Variants in KCNMB2 observed in about 807,000 individuals in gnomAD.
KCNMB2 encodes the protein calcium-activated potassium channel subunit beta-2.
Under a neutral mutation model 24.5 loss-of-function variants are expected in KCNMB2, and 9 were observed. That is an observed-to-expected ratio of 0.37 (90% CI 0.22 to 0.64). KCNMB2 has a LOEUF of 0.64. Ranked by LOEUF, KCNMB2 falls within the 30% of genes least tolerant of loss-of-function variation. The probability of loss-of-function intolerance (pLI) is 0.63; values close to 1 mark genes in which losing one functional copy is unlikely to be tolerated. For synonymous variants in KCNMB2, 109 were observed against 104.4 expected (o/e 1.04, Z -0.27); for missense variants, 226 against 284.3 (o/e 0.79, Z 1.47).
At position 178,772,603 on chromosome 3, in the gene KCNMB2, T is replaced by G. The variant is rs187399699; in HGVS notation, c.-67-34740T>G. 5.9e-3 allele frequency among the ~76,000 whole-genome samples: 903 copies of G among 152,344 alleles called. 10 individuals are homozygous for G. Among genetic ancestry groups the G allele is most frequent in the African/African-American group, 0.021 (873 of 41,578 alleles). On this transcript the variant is annotated intron_variant, in intron 1 of 4. Transcript: ENST00000452583. ...CAATAAATCTCTTACTTTTGTAAAT[T>G]ACCCAGTCTCAGGTATGTCTTTATC...
chr3:178,603,556 T>C (rs1718169354), intron 1 of KCNMB2, among the ~76,000 whole-genome samples: 1 of 151,852 alleles, frequency 6.6e-6, no homozygotes. Context: ...GCTCAAGAAA[T>C]GAACAGAATA....
intron 1 of KCNMB2, among the ~76,000 whole-genome samples, chr3:178,778,177 A>G (rs1174374654): frequency 6.6e-6 from 1 of 152,172 alleles, no homozygotes; most frequent in Non-Finnish European, 1.5e-5. Context: ...TTTTGACCCT[A>G]TGTATCAGTT....
chr3:178,680,531 A>G (rs1460937338), intron 1 of KCNMB2, among the ~76,000 whole-genome samples: 1 of 152,086 alleles, frequency 6.6e-6, no homozygotes, highest in Non-Finnish European at 1.5e-5. Context: ...TTTATATTAC[A>G]TTTTACTGAA....
intron 1 of KCNMB2, among the ~76,000 whole-genome samples, chr3:178,697,022 T>A (rs936854424): frequency 6.6e-6 from 1 of 152,138 alleles, no homozygotes; most frequent in African/African-American, 2.4e-5. Context: ...ATTTCACTTC[T>A]GAATGTGACC....
At chr3:178,826,117 T>G (rs1039173323) in intron 3 of KCNMB2, among the ~76,000 whole-genome samples, 2 of 152,128 alleles carry the variant, frequency 1.3e-5, no homozygotes, top group African/African-American at 4.8e-5. Flanking sequence ...AGCCCACATC[T>G]CGCTTATTCC....
chr3:178,703,255 C>A (rs1349047612), intron 1 of KCNMB2, among the ~76,000 whole-genome samples: 2 of 152,092 alleles, frequency 1.3e-5, no homozygotes, highest in Non-Finnish European at 2.9e-5. Flanking sequence ...CTCATAGACT[C>A]ATTTTGCAAG....
At chr3:178,599,501 C>T (rs549249028) in intron 1 of KCNMB2, among the ~76,000 whole-genome samples, 1 of 152,262 alleles carries the variant, frequency 6.6e-6, no homozygotes, top group African/African-American at 2.4e-5. Context: ...GATGACAAAT[C>T]GCAACACACA....
chr3:178,574,940 T>C (rs540147937), intron 1 of KCNMB2, among the ~76,000 whole-genome samples: 1 of 151,922 alleles, frequency 6.6e-6, no homozygotes, highest in South Asian at 2.1e-4. Flanking sequence ...TGGTGGTGCA[T>C]ACCTGTAATC....
intron 1 of KCNMB2, among the ~76,000 whole-genome samples, chr3:178,716,089 A>G (rs561146064): frequency 2.0e-5 from 3 of 152,326 alleles, no homozygotes; most frequent in Admixed American, 6.5e-5. Flanking sequence ...CAGTTCAGCC[A>G]ACTCCCAGTG....
intron 1 of KCNMB2, among the ~76,000 whole-genome samples, chr3:178,538,205 A>G (rs926297382): frequency 6.6e-6 from 1 of 152,196 alleles, no homozygotes; most frequent in Non-Finnish European, 1.5e-5. Context: ...ATTTTACTGA[A>G]CCAGCCGAAC....
At chr3:178,814,719 G>C (rs891072772) in intron 2 of KCNMB2, among the ~76,000 whole-genome samples, 3 of 152,150 alleles carry the variant, frequency 2.0e-5, no homozygotes, top group Non-Finnish European at 2.9e-5. Flanking sequence ...CTAATGATTA[G>C]TAATGTTGAG....
chr3:178,798,109 T>C (rs992296364), intron 1 of KCNMB2, among the ~76,000 whole-genome samples: 1 of 152,182 alleles, frequency 6.6e-6, no homozygotes, highest in African/African-American at 2.4e-5. Context: ...CCTCTCTTTC[T>C]GTTTGAATAC....
rs1049694505 is a variant in KCNMB2 at position 178,654,126 on chromosome 3, T to G, written c.-68+117415T>G. ...TCCATTTTATTCAAACTTATTGGCA[T>G]GCAGTGTTTTACATGATTATTCTTA... On this transcript the variant is annotated intron_variant, in intron 1 of 4. Transcript: ENST00000452583. Among the ~76,000 whole-genome samples, 3 of 152,202 alleles carry G rather than the reference T, an allele frequency of 2.0e-5. No homozygotes were observed. The East Asian group carries it at 5.8e-4, about 29-fold the overall frequency.
At chr3:178,785,015 G>C (rs1312088748) in intron 1 of KCNMB2, among the ~76,000 whole-genome samples, 1 of 151,816 alleles carries the variant, frequency 6.6e-6, no homozygotes, top group African/African-American at 2.4e-5. Flanking sequence ...CTTCAGTCAG[G>C]CTAATGCTCT....
chr3:178,801,249 C>T (rs1480427626), intron 1 of KCNMB2, among the ~76,000 whole-genome samples: 1 of 152,052 alleles, frequency 6.6e-6, no homozygotes, highest in Non-Finnish European at 1.5e-5. Flanking sequence ...TTTACTCTGA[C>T]ATGATTGTTA....
intron 1 of KCNMB2, among the ~76,000 whole-genome samples, chr3:178,722,303 T>C (rs1189113246): frequency 6.6e-6 from 1 of 152,192 alleles, no homozygotes; most frequent in Non-Finnish European, 1.5e-5. Flanking sequence ...TTGATCAGTT[T>C]TGTGTTGCTA....
At chr3:178,683,700 C>T (rs979509830) in intron 1 of KCNMB2, among the ~76,000 whole-genome samples, 1 of 152,146 alleles carries the variant, frequency 6.6e-6, no homozygotes, top group Non-Finnish European at 1.5e-5. Context: ...CTCAGTTTAA[C>T]CTTCACTCAT....
Position 178,684,488 on chromosome 3 carries a change from A to AT in KCNMB2, c.-67-122852dup, listed in dbSNP as rs568960551. Among the ~76,000 whole-genome samples, 541 of 152,224 alleles carry AT rather than the reference A, an allele frequency of 3.6e-3. 1 individual carries two copies. The highest frequency in any genetic ancestry group is 6.8e-3 in the Middle Eastern group (2 of 294). ...TGCCAAATAAGTAGATTTTAGCTGCATTTGCCACAAAAACAAAAACAAAAA... is the reference window on the plus strand; with the variant it reads ...TGCCAAATAAGTAGATTTTAGCTGCATTTTGCCACAAAAACAAAAACAAAAA... On this transcript the variant is annotated intron_variant, in intron 1 of 4. Coordinates refer to ENST00000452583, the MANE Select transcript of KCNMB2 (RefSeq NM_181361.3).
chr3:178,694,883 G>A (rs549996539), intron 1 of KCNMB2, among the ~76,000 whole-genome samples: 5 of 152,310 alleles, frequency 3.3e-5, no homozygotes, highest in Non-Finnish European at 7.3e-5. Context: ...TCTGGGGTCT[G>A]GAGGATGGTG....
Sources: gnomAD v4.1 joint callset for allele counts (sites outside exome capture counted in the v4.1 genomes callset) on GRCh38, gnomAD v4.1.1 for gene constraint, MANE v1.5 for transcripts, NCBI Gene and HGNC (gene_info 2026-07-23, HGNC 2026-07-21) for gene names.